Variants in TENM4 observed in about 807,000 individuals in gnomAD.
The protein encoded by TENM4 is teneurin transmembrane protein 4, also known as teneurin-4.
In TENM4, 82 loss-of-function variants were observed where a neutral mutation model predicts 243.3. That is an observed-to-expected ratio of 0.34 (90% confidence interval 0.28 to 0.40). The LOEUF is 0.40. Among genes scored for constraint, TENM4 ranks in the 10% least tolerant of loss-of-function variants. The pLI is 1.00. For synonymous variants in TENM4, 1,412 were observed against 1,456.3 expected (o/e 0.97, Z 0.69); for missense variants, 3,138 against 3,673.3 (o/e 0.85, Z 3.77).
intron 1 of TENM4, among the ~76,000 whole-genome samples, chr11:79,414,186 A>ACG (rs1858765294): frequency 6.6e-6 from 1 of 151,124 alleles, no homozygotes; most frequent in Admixed American, 6.6e-5. Flanking sequence ...ACACACACGC[A>ACG]CACAAACATG....
At chr11:79,298,764 C>T (rs1280527279) in intron 1 of TENM4, among the ~76,000 whole-genome samples, 1 of 152,088 alleles carries the variant, frequency 6.6e-6, no homozygotes, top group African/African-American at 2.4e-5. Context: ...CTCGGCGAGC[C>T]GTCTAAGGCC....
At chr11:79,421,354 A>T (rs1308099013) in intron 1 of TENM4, among the ~76,000 whole-genome samples, 1 of 152,248 alleles carries the variant, frequency 6.6e-6, no homozygotes, top group Non-Finnish European at 1.5e-5. Context: ...CAAGGAATTT[A>T]CCTGTGTCAA....
At chr11:78,798,174 G>A (rs1301338836) in intron 15 of TENM4, among the ~76,000 whole-genome samples, 1 of 152,178 alleles carries the variant, frequency 6.6e-6, no homozygotes, top group African/African-American at 2.4e-5. Flanking sequence ...ATTATATTTT[G>A]CCTCGTAAAT....
intron 1 of TENM4, among the ~76,000 whole-genome samples, chr11:79,421,718 A>C (rs1342710951): frequency 6.6e-6 from 1 of 152,164 alleles, no homozygotes; most frequent in African/African-American, 2.4e-5. Context: ...AAAAAAAAAA[A>C]AACAGTTATC....
intron 2 of TENM4, among the ~76,000 whole-genome samples, chr11:79,258,240 A>T (rs894803995): frequency 4.6e-5 from 7 of 152,204 alleles, no homozygotes; most frequent in African/African-American, 1.7e-4. Flanking sequence ...CCTTGATTTC[A>T]TGTGTAAAAT....
rs553071398 is a variant in TENM4 at position 79,356,709 on chromosome 11, C to A, written c.-320-59166G>T. ...AATGAGTCAAGGTCATTATCATCAT[C>A]ATCATCACTATTATTAGTCCTAAAT... On this transcript the variant is annotated intron_variant, in intron 1 of 33. Transcript: ENST00000278550. 5.5e-4 allele frequency among the ~76,000 whole-genome samples: 84 copies of A among 152,154 alleles called. No individual in the cohort carries two copies. The South Asian group carries it at 0.016, about 29-fold the overall frequency.
intron 4 of TENM4, among the ~76,000 whole-genome samples, chr11:79,132,877 C>A (rs759544292): frequency 2.0e-5 from 3 of 152,056 alleles, no homozygotes; most frequent in Non-Finnish European, 4.4e-5. Flanking sequence ...TAGCCCTAAA[C>A]ACCTACATCA....
chr11:79,283,528 A>G (rs1336179508), intron 2 of TENM4, among the ~76,000 whole-genome samples: 1 of 152,192 alleles, frequency 6.6e-6, no homozygotes, highest in African/African-American at 2.4e-5. Context: ...TTTGTGACAA[A>G]AAAACCCAAC....
chr11:79,148,512 T>G (rs1180564198), intron 4 of TENM4, among the ~76,000 whole-genome samples, 198 bp downstream of exon 4: 1 of 152,006 alleles, frequency 6.6e-6, no homozygotes, highest in African/African-American at 2.4e-5. Flanking sequence ...TTGAAACATA[T>G]AAAAATCTTG....
chr11:79,164,688 G>C (rs1269494508), intron 3 of TENM4, among the ~76,000 whole-genome samples: 1 of 150,736 alleles, frequency 6.6e-6, no homozygotes, highest in Non-Finnish European at 1.5e-5. Context: ...CACAGGGGGA[G>C]GTATTTGAAT....
chr11:79,208,869 C>A (rs1023910149), intron 3 of TENM4, among the ~76,000 whole-genome samples: 1 of 152,110 alleles, frequency 6.6e-6, no homozygotes, highest in East Asian at 1.9e-4. Flanking sequence ...TCCTTTCTAC[C>A]AGGGGAATTT....
intron 1 of TENM4, among the ~76,000 whole-genome samples, chr11:79,431,954 A>G (rs1859177743): frequency 6.6e-6 from 1 of 152,218 alleles, no homozygotes; most frequent in Non-Finnish European, 1.5e-5. Context: ...ATGTCTTACA[A>G]TGATAGAAAT....
At chr11:79,417,091 G>A (rs1858832368) in intron 1 of TENM4, among the ~76,000 whole-genome samples, 1 of 152,174 alleles carries the variant, frequency 6.6e-6, no homozygotes, top group Non-Finnish European at 1.5e-5. Context: ...TCAAATCTAA[G>A]GGCTGGCATA....
intron 3 of TENM4, among the ~76,000 whole-genome samples, chr11:79,158,057 C>T (rs1242564296): frequency 1.3e-5 from 2 of 152,168 alleles, no homozygotes; most frequent in African/African-American, 4.8e-5. Context: ...GAAGTCGATC[C>T]CAGCTTGCCC....
chr11:79,215,468 T>C (rs1590800975), intron 3 of TENM4, among the ~76,000 whole-genome samples: 6 of 152,196 alleles, frequency 3.9e-5, no homozygotes, highest in African/African-American at 1.4e-4. Context: ...TTGATTGGCA[T>C]TGCTGCCTCT....
chr11:78,991,999 T>TTTGAAAAA (rs1858058351), intron 6 of TENM4, among the ~76,000 whole-genome samples: 2 of 152,314 alleles, frequency 1.3e-5, no homozygotes, highest in African/African-American at 4.8e-5. Flanking sequence ...CAACTATGGA[T>TTTGAAAAA]TTTCCCTAAA....
intron 6 of TENM4, among the ~76,000 whole-genome samples, chr11:79,004,987 T>C (rs1022496097): frequency 2.1e-5 from 3 of 143,744 alleles, no homozygotes; most frequent in South Asian, 2.3e-4. Flanking sequence ...TGAATACCTC[T>C]ATGTACACAA....
Position 78,669,205 on chromosome 11 carries a change from G to C in TENM4, c.7140C>G (p.Ile2380Met), listed in dbSNP as rs890733810. ...AGATCTCCCCATAGGCTGTGTACAG[G>C]ATTTGCTTGATCATCAAACCTGTTC... ...FSGTGLMIKQ[I>M]LYTAYGEIYM... Residue 2380 changes from isoleucine (I) to methionine (M), a missense_variant, in exon 32 of 34, where the codon ATC becomes ATG. Ile to Met is a conservative substitution (Grantham distance 10). Around this residue, in one of 2 missense-constraint regions of TENM4, gnomAD observed 2,467 missense variants for 3,059.1 expected, o/e 0.81. Transcript: ENST00000278550. The surrounding 1 kb of genome is among the most constrained non-coding windows in gnomAD (Gnocchi z 6.4). 17 of 1,612,402 alleles carry C rather than the reference G, an allele frequency of 1.1e-5. No homozygotes were observed. The African/African-American group carries it at 2.0e-4, about 19-fold the overall frequency.
At chr11:78,952,486 G>A (rs1358110921) in intron 6 of TENM4, among the ~76,000 whole-genome samples, 1 of 152,184 alleles carries the variant, frequency 6.6e-6, no homozygotes, top group African/African-American at 2.4e-5. Flanking sequence ...GAGAGACAGG[G>A]GCAGGGAGGC....
Sources: gnomAD v4.1 joint callset for allele counts (sites outside exome capture counted in the v4.1 genomes callset) on GRCh38, gnomAD v4.1.1 for gene constraint, gnomAD v4.1.1 regional missense constraint, Gnocchi (gnomAD v3.1) non-coding constraint, MANE v1.5 for transcripts, NCBI Gene and HGNC (gene_info 2026-07-23, HGNC 2026-07-21) for gene names.